DLG2: variants seen among roughly 807,000 people sequenced by gnomAD.
DLG2 encodes discs large MAGUK scaffold protein 2.
In DLG2, 45 loss-of-function variants were observed where a neutral mutation model predicts 132.5. That is an observed-to-expected ratio of 0.34 (90% CI 0.27 to 0.44). DLG2 has a LOEUF of 0.44. DLG2 is among the 20% of genes least tolerant of loss of function. DLG2 has a pLI of 1.00. For missense variants in DLG2, 1,045 were observed against 1,196.9 expected, an observed-to-expected ratio of 0.87 and a Z score of 1.87; for synonymous variants, 424 against 419.6, an observed-to-expected ratio of 1.01 and a Z score of -0.13.
At chr11:84,234,850 C>T (rs2097138879) in intron 8 of DLG2, among the ~76,000 whole-genome samples, 1 of 152,248 alleles carries the variant, frequency 6.6e-6, no homozygotes, top group South Asian at 2.1e-4. Context: ...AATGGCCACA[C>T]AAAGTTTTCT....
chr11:85,084,707 C>T (rs1282838377), intron 6 of DLG2, among the ~76,000 whole-genome samples: 1 of 152,098 alleles, frequency 6.6e-6, no homozygotes, highest in Non-Finnish European at 1.5e-5. Flanking sequence ...TCCCATTATC[C>T]TTCAACAATA....
intron 6 of DLG2, among the ~76,000 whole-genome samples, chr11:84,715,441 A>G (rs2153786029): frequency 6.6e-6 from 1 of 152,230 alleles, no homozygotes; most frequent in African/African-American, 2.4e-5. Context: ...ACAATCCAAT[A>G]TTAACTATAG....
At chr11:84,354,402 G>A (rs1247147919) in intron 7 of DLG2, among the ~76,000 whole-genome samples, 7 of 152,020 alleles carry the variant, frequency 4.6e-5, no homozygotes, top group Non-Finnish European at 8.8e-5. Context: ...CCTGCATATC[G>A]TCTCCTTTTC....
At chr11:84,830,577 CCAATATG>C (rs947789300) in intron 6 of DLG2, among the ~76,000 whole-genome samples, 3 of 151,450 alleles carry the variant, frequency 2.0e-5, no homozygotes, top group African/African-American at 7.3e-5. Context: ...CCAAGTGACT[CCAATATG>C]CAAAGTACTC....
chr11:84,609,521 A>T (rs1425033203), intron 6 of DLG2, among the ~76,000 whole-genome samples: 1 of 152,132 alleles, frequency 6.6e-6, no homozygotes, highest in Non-Finnish European at 1.5e-5. Context: ...GTTAAGGTCA[A>T]CCCAAGCCAA....
At chr11:83,824,761 G>A (rs927314951) in intron 17 of DLG2, among the ~76,000 whole-genome samples, 1 of 152,106 alleles carries the variant, frequency 6.6e-6, no homozygotes, top group Non-Finnish European at 1.5e-5. Flanking sequence ...AAAAGCTGGT[G>A]TTTTACTGGT....
chr11:85,310,917 T>C (rs1258363356), intron 3 of DLG2, among the ~76,000 whole-genome samples: 2 of 152,194 alleles, frequency 1.3e-5, no homozygotes, highest in African/African-American at 4.8e-5. Context: ...CTTAACTTTT[T>C]AATAAACACA....
intron 7 of DLG2, chr11:84,273,248 C>A: frequency 1.3e-6 from 2 of 1,498,622 alleles, no homozygotes; most frequent in Non-Finnish European, 1.8e-6. Flanking sequence ...AACACTTGGC[C>A]GTTGCATAGC....
intron 9 of DLG2, among the ~76,000 whole-genome samples, chr11:84,113,398 GA>G (rs2093464199): frequency 6.6e-6 from 1 of 152,122 alleles, no homozygotes; most frequent in Non-Finnish European, 1.5e-5. Flanking sequence ...TTAAAAGAAT[GA>G]CTGACATACA....
At chr11:85,019,655 T>C (rs572437065) in intron 6 of DLG2, among the ~76,000 whole-genome samples, 15 of 152,064 alleles carry the variant, frequency 9.9e-5, no homozygotes, top group Non-Finnish European at 1.9e-4. Context: ...TGTGTGATGT[T>C]CCCCACCCTG....
chr11:84,442,685 G>A (rs1373953938), intron 7 of DLG2, among the ~76,000 whole-genome samples: 1 of 147,796 alleles, frequency 6.8e-6, no homozygotes, highest in Non-Finnish European at 1.5e-5. Context: ...ATGTATCCCA[G>A]AACTTAAGTA....
At chr11:85,413,709 G>C (rs2089553969) in intron 3 of DLG2, among the ~76,000 whole-genome samples, 1 of 151,726 alleles carries the variant, frequency 6.6e-6, no homozygotes, top group Non-Finnish European at 1.5e-5. Context: ...CGATCAGTTA[G>C]CTGTATTTCG....
In DLG2 at chr11:84,244,122, C is replaced by T. The variant is rs536154015; in HGVS notation, c.573+7116G>A. 4.6e-5 allele frequency among the ~76,000 whole-genome samples: 7 copies of T among 152,306 alleles called. No individual in the cohort carries two copies. The South Asian group carries it at 1.0e-3, about 23-fold the overall frequency. On this transcript the variant is annotated intron_variant, in intron 8 of 27. Coordinates refer to ENST00000376104, the MANE Select transcript of DLG2 (RefSeq NM_001142699.3). ...TACAACTAAGCAGCATCAACCTCAC[C>T]TGGCAACTTATTAGAAATGCAGACT...
intron 6 of DLG2, among the ~76,000 whole-genome samples, chr11:84,861,640 C>CAAAAAAAAA (rs1248486704): frequency 1.3e-5 from 1 of 75,650 alleles, no homozygotes; most frequent in Non-Finnish European, 2.3e-5. Context: ...AAAAAAAAAA[C>CAAAAAAAAA]AAAAAAAAAA....
At chr11:83,987,270 C>T (rs1309221516) in intron 11 of DLG2, among the ~76,000 whole-genome samples, 1 of 151,988 alleles carries the variant, frequency 6.6e-6, no homozygotes, top group African/African-American at 2.4e-5. Flanking sequence ...GGCCATACCG[C>T]CCAAGGTAAT....
chr11:83,887,005 CA>C (rs1344959999), intron 15 of DLG2, among the ~76,000 whole-genome samples: 2 of 151,806 alleles, frequency 1.3e-5, no homozygotes, highest in Admixed American at 6.6e-5. Context: ...AGGAAAGATC[CA>C]AAATTGACAC....
At chr11:85,461,686 T>C (rs961006696) in intron 3 of DLG2, among the ~76,000 whole-genome samples, 1 of 152,184 alleles carries the variant, frequency 6.6e-6, no homozygotes, top group Non-Finnish European at 1.5e-5. Context: ...CCAAGCCACA[T>C]GCAGCAGCAA....
At chr11:84,460,284 T>C (rs1201984172) in intron 7 of DLG2, among the ~76,000 whole-genome samples, 1 of 150,614 alleles carries the variant, frequency 6.6e-6, no homozygotes. Context: ...TATTCATCTT[T>C]ATGAACGAGG....
In DLG2 at chr11:85,498,629, T is replaced by C. The variant is rs374995699; in HGVS notation, c.40+100028A>G. On this transcript the variant is annotated intron_variant, in intron 3 of 27. Coordinates refer to ENST00000376104, the MANE Select transcript of DLG2 (RefSeq NM_001142699.3). ...CACCCCAAATCAACAGAATATACAT[T>C]CTTCTCAGCACCACATCGCACTTAT... is the stretch of plus-strand genomic sequence containing the variant. Among the ~76,000 whole-genome samples, 11 of 152,264 alleles carry C rather than the reference T, an allele frequency of 7.2e-5. No homozygotes were observed. The East Asian group carries it at 1.7e-3, about 24-fold the overall frequency.
Sources: gnomAD v4.1 joint callset for allele counts (sites outside exome capture counted in the v4.1 genomes callset) on GRCh38, gnomAD v4.1.1 for gene constraint, MANE v1.5 for transcripts, NCBI Gene and HGNC (gene_info 2026-07-23, HGNC 2026-07-21) for gene names.